Variants in RPS6KC1 observed in about 807,000 individuals in gnomAD.
The protein encoded by RPS6KC1 is inactive ribosomal protein S6 kinase delta-1.
RPS6KC1 carries 54 observed loss-of-function variants against 103.8 expected under a neutral mutation model. That is an observed-to-expected ratio of 0.52 (90% confidence interval 0.42 to 0.65). The LOEUF (loss-of-function observed/expected upper bound fraction) is 0.65, where lower values mean the gene tolerates loss of function less well. Among genes scored for constraint, RPS6KC1 ranks in the 30% least tolerant of loss-of-function variants. RPS6KC1 has a pLI of 0.00. For synonymous variants in RPS6KC1, 439 were observed against 438.7 expected (o/e 1.00, Z -0.01); for missense variants, 1,151 against 1,253.8 (o/e 0.92, Z 1.24).
At chr1:213,680,138 C>T in the RPS6KC1 span, among the ~76,000 whole-genome samples, 3 of 151,998 alleles carry the variant, frequency 2.0e-5, no homozygotes, top group African/African-American at 4.8e-5. Context: ...TAATGAGAGT[C>T]GCTGGAAACA....
the RPS6KC1 span, among the ~76,000 whole-genome samples, chr1:213,621,683 T>C: frequency 0.32 from 48,146 of 152,044 alleles, 8,034 homozygotes; most frequent in East Asian, 0.45. Context: ...GGACCAGCTA[T>C]ATAATTTGTA....
chr1:213,622,409 C>G, the RPS6KC1 span, among the ~76,000 whole-genome samples: 8 of 152,030 alleles, frequency 5.3e-5, no homozygotes, highest in Non-Finnish European at 1.0e-4. Context: ...CTGGAAAGAC[C>G]CTTTCTCCCA....
the RPS6KC1 span, among the ~76,000 whole-genome samples, chr1:213,783,635 T>A: frequency 9.3e-5 from 14 of 150,122 alleles, no homozygotes; most frequent in African/African-American, 3.5e-4. Flanking sequence ...TTTACTGTTG[T>A]CGTCTTATCA....
intron 6 of RPS6KC1, among the ~76,000 whole-genome samples, chr1:213,145,250 T>C (rs2087606086): frequency 6.6e-6 from 1 of 152,150 alleles, no homozygotes; most frequent in Non-Finnish European, 1.5e-5. Context: ...CCCAGATTGC[T>C]GTCTTGAATT....
intron 3 of RPS6KC1, among the ~76,000 whole-genome samples, chr1:213,093,042 C>T (rs1176164986): frequency 6.6e-6 from 1 of 152,084 alleles, no homozygotes; most frequent in Non-Finnish European, 1.5e-5. Context: ...AACTTTTCTC[C>T]ACATCCTTCC....
Position 213,240,747 on chromosome 1 carries a change from C to T in RPS6KC1, c.1271C>T (p.Pro424Leu), listed in dbSNP as rs56183862. 4.0e-3 allele frequency: 6,497 copies of T among 1,613,358 alleles called. 22 individuals carry two copies. Among genetic ancestry groups the T allele is most frequent in the Non-Finnish European group, 4.7e-3 (5,602 of 1,179,666 alleles). ...ATCAGTAAATTTCTAAACAGAAGTC[C>T]TGAAGAAAGCTTTGACATCAAGGAA... ...SYISKFLNRS[P>L]EESFDIKEVK... The change falls in exon 11 of 15, where the codon CCT becomes CTT. Residue 424 changes from proline to leucine, a missense_variant. Around this residue, in one of 3 missense-constraint regions of RPS6KC1, gnomAD observed 959 missense variants for 1,006.3 expected, o/e 0.95. Transcript: ENST00000366960.
At chr1:213,533,012 AC>A in the RPS6KC1 span, among the ~76,000 whole-genome samples, 7 of 152,244 alleles carry the variant, frequency 4.6e-5, no homozygotes, top group Admixed American at 6.5e-5. Flanking sequence ...GTTACACAGG[AC>A]CCTAATGCCA....
the RPS6KC1 span, among the ~76,000 whole-genome samples, chr1:213,844,341 A>T: frequency 6.6e-6 from 1 of 152,170 alleles, no homozygotes; most frequent in African/African-American, 2.4e-5. Context: ...GAACATTATG[A>T]GGCTTTTCTT....
intron 4 of RPS6KC1, 80 bp downstream of exon 4, chr1:213,104,649 C>A (rs1321451024): frequency 4.2e-6 from 3 of 707,814 alleles, no homozygotes; most frequent in East Asian, 3.1e-5. Flanking sequence ...AAAAATGCCA[C>A]TTTTGAATTT....
At chr1:213,829,868 G>C in the RPS6KC1 span, among the ~76,000 whole-genome samples, 1 of 152,188 alleles carries the variant, frequency 6.6e-6, no homozygotes, top group Admixed American at 6.5e-5. Context: ...TGTATGCATT[G>C]TAACTAGAGC....
At chr1:213,557,846 G>A in the RPS6KC1 span, among the ~76,000 whole-genome samples, 1 of 152,080 alleles carries the variant, frequency 6.6e-6, no homozygotes, top group Non-Finnish European at 1.5e-5. Context: ...TAATCAAAAT[G>A]TAATAAAAAT....
At position 213,274,528 on chromosome 1, in the gene RPS6KC1, G is replaced by A. The variant is rs1025358272; in HGVS notation, c.*1894G>A. 6.6e-6 allele frequency: 1 copy of A among 152,122 alleles called. No homozygotes were observed. Among genetic ancestry groups the A allele is most frequent in the African/African-American group, 2.4e-5 (1 of 41,428 alleles). 9.4% of individuals were successfully genotyped at this position (152,122 alleles called of 1,614,324 possible). A position where few individuals can be genotyped will look rare whatever the true frequency, so the allele number is the denominator to read the frequency against. ...CCTTTTCTCTCTATATGTTTGGTTG[G>A]AGCTTGTGCCTAATGTAAATACATC... On this transcript the variant is annotated 3_prime_UTR_variant, in exon 15 of 15. Transcript: ENST00000366960.
At chr1:213,703,356 G>C in the RPS6KC1 span, among the ~76,000 whole-genome samples, 1 of 152,044 alleles carries the variant, frequency 6.6e-6, no homozygotes, top group Admixed American at 6.6e-5. Context: ...TCATTATTTA[G>C]TTTTTCTACT....
At chr1:213,268,030 C>T (rs1046913876) in intron 14 of RPS6KC1, among the ~76,000 whole-genome samples, 2 of 151,772 alleles carry the variant, frequency 1.3e-5, no homozygotes, top group Non-Finnish European at 2.9e-5. Context: ...TGGCTAAAAA[C>T]GTTCCAAATT....
intron 8 of RPS6KC1, among the ~76,000 whole-genome samples, chr1:213,176,895 G>T (rs1432554499): frequency 6.6e-6 from 1 of 152,100 alleles, no homozygotes; most frequent in African/African-American, 2.4e-5. Context: ...CCTACTATAT[G>T]TCGGACCCTA....
chr1:213,816,295 G>T, the RPS6KC1 span, among the ~76,000 whole-genome samples: 1 of 152,212 alleles, frequency 6.6e-6, no homozygotes, highest in South Asian at 2.1e-4. Context: ...TGTATGCAGA[G>T]TTGCCATAAA....
intron 12 of RPS6KC1, among the ~76,000 whole-genome samples, chr1:213,244,269 A>T (rs2094416881): frequency 6.6e-6 from 1 of 151,910 alleles, no homozygotes. Context: ...CAGTGTACTT[A>T]GAAATATATT....
chr1:213,203,026 G>A (rs1273623145), intron 8 of RPS6KC1, among the ~76,000 whole-genome samples: 1 of 151,970 alleles, frequency 6.6e-6, no homozygotes, highest in African/African-American at 2.4e-5. Flanking sequence ...TTTTTTCAGA[G>A]TTGGAGATTA....
the RPS6KC1 span, among the ~76,000 whole-genome samples, chr1:213,478,808 T>C: frequency 6.6e-6 from 1 of 152,212 alleles, no homozygotes; most frequent in Non-Finnish European, 1.5e-5. Flanking sequence ...ATTTGGTGTT[T>C]AAAGGATAAA....
Sources: gnomAD v4.1 joint callset for allele counts (sites outside exome capture counted in the v4.1 genomes callset) on GRCh38, gnomAD v4.1.1 for gene constraint, gnomAD v4.1.1 regional missense constraint, MANE v1.5 for transcripts, NCBI Gene and HGNC (gene_info 2026-07-23, HGNC 2026-07-21) for gene names.